Variants in FAM83A observed in about 807,000 individuals in gnomAD.
FAM83A encodes protein FAM83A.
A neutral mutation model predicts 24.4 loss-of-function variants in FAM83A; 21 were observed. The observed-to-expected ratio is 0.86, with a 90% CI of 0.61 to 1.24. The LOEUF is 1.24. FAM83A is among the 50% of genes most tolerant of loss of function. The pLI, the probability that FAM83A is intolerant of heterozygous loss-of-function variation, is 0.00. For missense variants in FAM83A, 617 were observed against 579.8 expected, an observed-to-expected ratio of 1.06 and a Z score of -0.66; for synonymous variants, 270 against 252.4, an observed-to-expected ratio of 1.07 and a Z score of -0.66.
At chr8:123,186,268 C>T (rs1823791015) in intron 1 of FAM83A, among the ~76,000 whole-genome samples, 1 of 152,180 alleles carries the variant, frequency 6.6e-6, no homozygotes, top group Non-Finnish European at 1.5e-5. Context: ...CCTACACACC[C>T]CCCCACGTGC....
chr8:123,207,379 C>CA lies in FAM83A; in HGVS notation c.998dup (p.Asn333LysfsTer25). The CA allele has an allele frequency of 1.2e-6, 2 of 1,611,642 alleles. No homozygotes were observed. Among genetic ancestry groups the CA allele is most frequent in the African/African-American group, 2.7e-5 (2 of 74,968 alleles). ...GCTCCGCCAGTGACCGCACGTCCTC[C>CA]AACCCCTTCAGCGGCCGCTCGGCAG... On this transcript the variant is annotated frameshift_variant, in exon 4 of 4. Coordinates refer to ENST00000690554, the Ensembl canonical transcript of FAM83A. LOFTEE classifies it low-confidence loss of function (END_TRUNC).
intron 3 of FAM83A, among the ~76,000 whole-genome samples, chr8:123,206,016 G>A (rs990532929): frequency 1.3e-5 from 2 of 151,920 alleles, no homozygotes; most frequent in Non-Finnish European, 2.9e-5. Flanking sequence ...GGTGGCGGGC[G>A]CCTGTAATCC....
rs186735416 is a variant in FAM83A, at chr8:123,183,342, G to A, written c.480+6G>A. ...GCATCACCCGGACTAGCCAGGTACC[G>A]ATGGCAAAGCCCCTGTCTCCGTGGC... On this transcript the variant is annotated splice_donor_region_variant and intron_variant, in intron 1 of 3. Coordinates refer to ENST00000690554, the Ensembl canonical transcript of FAM83A. 9 of 1,604,782 alleles carry A rather than the reference G, an allele frequency of 5.6e-6. No homozygotes were observed. The highest frequency in any genetic ancestry group is 1.7e-4 in the Middle Eastern group (1 of 6,022).
intron 1 of FAM83A, among the ~76,000 whole-genome samples, chr8:123,186,389 T>C (rs1416142770): frequency 6.6e-6 from 1 of 151,862 alleles, no homozygotes; most frequent in Admixed American, 6.6e-5. Flanking sequence ...TGGGGAAATA[T>C]ATTTGAATTC....
chr8:123,182,595 A>G (rs1393781384), upstream of FAM83A: 1 of 670,332 alleles, frequency 1.5e-6, no homozygotes, highest in Admixed American at 2.1e-5. Context: ...GAGGTGTCTG[A>G]GCCAGCCCTC....
rs910038813 is a variant in FAM83A at position 123,209,099 on chromosome 8, T to C, written c.*1411T>C. ...AGGTGTGATAGTGGGGTCAGTGGTATGTGATCCAGGCTGGGGAGCCAGAGG... is the reference window on the plus strand; with the variant it reads ...AGGTGTGATAGTGGGGTCAGTGGTACGTGATCCAGGCTGGGGAGCCAGAGG... On this transcript the variant is annotated 3_prime_UTR_variant, in exon 4 of 4. Coordinates refer to ENST00000690554, the Ensembl canonical transcript of FAM83A. The surrounding 1 kb of genome is among the most constrained non-coding windows in gnomAD (Gnocchi z 4.7). The C allele has an allele frequency of 4.9e-6, 5 of 1,030,638 alleles. No homozygotes were observed. In the African/African-American group the frequency reaches 6.9e-5, roughly 14 times the overall value. The allele number at this position is 1,030,638 out of a possible 1,614,324, so 63.8% of individuals were successfully genotyped here. A position where few individuals can be genotyped will look rare whatever the true frequency, so the allele number is the denominator to read the frequency against.
chr8:123,181,298 C>T (rs1196435828), upstream of FAM83A, among the ~76,000 whole-genome samples: 1 of 152,158 alleles, frequency 6.6e-6, no homozygotes, highest in East Asian at 1.9e-4. Context: ...GCACAAGGGC[C>T]ACAGCTACAG....
At chr8:123,189,020 T>C (rs1673935663) in intron 1 of FAM83A, among the ~76,000 whole-genome samples, 1 of 152,240 alleles carries the variant, frequency 6.6e-6, no homozygotes, top group Non-Finnish European at 1.5e-5. Flanking sequence ...TTCATTGGCA[T>C]AGAACTGGAA....
exon 4 of FAM83A, chr8:123,208,973 A>AT: frequency 1.0e-6 from 1 of 986,324 alleles, no homozygotes; most frequent in Non-Finnish European, 1.2e-6. Flanking sequence ...CAGAAAAAAA[A>AT]AAAAAAAAGA....
intron 1 of FAM83A, among the ~76,000 whole-genome samples, chr8:123,185,702 T>C (rs1823768698): frequency 6.6e-6 from 1 of 152,240 alleles, no homozygotes; most frequent in Non-Finnish European, 1.5e-5. Flanking sequence ...CGTTTGGGTG[T>C]CTGCCAGGCA....
chr8:123,186,887 G>A (rs576887576), intron 1 of FAM83A, among the ~76,000 whole-genome samples: 1 of 152,298 alleles, frequency 6.6e-6, no homozygotes, highest in Admixed American at 6.5e-5. Flanking sequence ...ACCCAGGACG[G>A]CAGAGTGGAC....
chr8:123,208,758 T>C, exon 4 of FAM83A: 2 of 984,426 alleles, frequency 2.0e-6, no homozygotes, highest in Non-Finnish European at 2.4e-6. Flanking sequence ...AACTTTGGGA[T>C]GCCAAGGTGG....
In FAM83A at chr8:123,207,416, G is replaced by C; in HGVS notation, c.1033G>C (p.Gly345Arg). 5.0e-6 allele frequency: 8 copies of C among 1,610,120 alleles called. No individual in the cohort carries two copies. Among genetic ancestry groups the C allele is most frequent in the Non-Finnish European group, 6.8e-6 (8 of 1,179,334 alleles). ...CGGCCGCTCGGCAGGCAGCCACCCC[G>C]GTACCCGAAGTGTGTCCGCGTCTTC... The change falls in exon 4 of 4, where the codon GGT becomes CGT. Residue 345 changes from glycine (G) to arginine (R), a missense_variant. Transcript: ENST00000690554.
intron 3 of FAM83A, among the ~76,000 whole-genome samples, chr8:123,200,960 A>C (rs554005413): frequency 8.9e-4 from 96 of 107,904 alleles, no homozygotes; most frequent in South Asian, 3.6e-3. Context: ...AAATAAACAA[A>C]AAAAAAAAAT....
intron 3 of FAM83A, among the ~76,000 whole-genome samples, chr8:123,196,271 C>A (rs536284009): frequency 5.9e-5 from 9 of 152,252 alleles, no homozygotes; most frequent in Non-Finnish European, 1.2e-4. Context: ...CTCAGCCCCC[C>A]AAAGTGCAGG....
chr8:123,183,277 A>C (rs1272111916), exon 1 of FAM83A: 2 of 1,613,206 alleles, frequency 1.2e-6, no homozygotes, highest in Admixed American at 3.3e-5. Flanking sequence ...GTACTTCCAG[A>C]CCGTCAAGCA....
Position 123,209,577 on chromosome 8 carries a change from T to C in FAM83A, c.*1889T>C. On this transcript the variant is annotated 3_prime_UTR_variant, in exon 4 of 4. Coordinates refer to ENST00000690554, the Ensembl canonical transcript of FAM83A. This position sits in a 1 kb window ranked among gnomAD's most constrained non-coding sequence, Gnocchi z 4.7. ...CTGGGCCCGGCTGAACATTCCAAATTGGATTTCACCATCTGCTGAGAAAGT... is the reference window on the plus strand; with the variant it reads ...CTGGGCCCGGCTGAACATTCCAAATCGGATTTCACCATCTGCTGAGAAAGT... The C allele has an allele frequency of 6.2e-7, 1 of 1,611,258 alleles. No homozygotes were observed. Among genetic ancestry groups the C allele is most frequent in the Non-Finnish European group, 8.5e-7 (1 of 1,177,750 alleles).
At chr8:123,181,513 T>C (rs1823598880), upstream of FAM83A, 1 of 154,276 alleles carries the variant, frequency 6.5e-6, no homozygotes, top group Non-Finnish European at 1.4e-5. Context: ...GCACTCTGCC[T>C]GTAGCACCTG....
At chr8:123,183,294 C>T in exon 1 of FAM83A, 2 of 1,613,200 alleles carry the variant, frequency 1.2e-6, no homozygotes, top group South Asian at 1.1e-5. Flanking sequence ...AGCACAACAA[C>T]ATCAGAGACC....
Sources: gnomAD v4.1 joint callset for allele counts (sites outside exome capture counted in the v4.1 genomes callset) on GRCh38, gnomAD v4.1.1 for gene constraint, Gnocchi (gnomAD v3.1) non-coding constraint, MANE v1.5 for transcripts, NCBI Gene and HGNC (gene_info 2026-07-23, HGNC 2026-07-21) for gene names.